BCAP29: variants seen among roughly 807,000 people sequenced by gnomAD.
BCAP29 encodes the protein B cell receptor associated protein 29.
A neutral mutation model predicts 31.8 loss-of-function variants in BCAP29; 34 were observed. The ratio of observed to expected loss-of-function variants is 1.07; its 90% CI spans 0.81 to 1.42. The LOEUF is 1.42. Ranked by LOEUF, BCAP29 falls within the 40% of genes most tolerant of loss-of-function variation. The probability of loss-of-function intolerance (pLI) is 0.00; values close to 1 mark genes in which losing one functional copy is unlikely to be tolerated. For synonymous variants in BCAP29, 104 were observed against 91.3 expected, an observed-to-expected ratio of 1.14 and a Z score of -0.79; for missense variants, 314 against 269.2, an observed-to-expected ratio of 1.17 and a Z score of -1.16.
At chr7:107,589,654 C>G (rs1003448387) in intron 3 of BCAP29, among the ~76,000 whole-genome samples, 1 of 152,132 alleles carries the variant, frequency 6.6e-6, no homozygotes, top group Non-Finnish European at 1.5e-5. Flanking sequence ...GTGCATGGCT[C>G]CAGGTGTTGG....
At chr7:107,612,561 A>G (rs115024288) in intron 6 of BCAP29, among the ~76,000 whole-genome samples, 3,508 of 151,632 alleles carry the variant, frequency 0.023, 136 homozygotes, top group African/African-American at 0.08. Context: ...GGATGTTTGC[A>G]TAGACTAAAT....
chr7:107,603,945 T>C (rs1811632315), intron 6 of BCAP29, among the ~76,000 whole-genome samples: 1 of 152,130 alleles, frequency 6.6e-6, no homozygotes, highest in African/African-American at 2.4e-5. Context: ...ATTCAGTCGT[T>C]GTAAAGTCAT....
intron 4 of BCAP29, 75 bp from the exon 5 acceptor site, chr7:107,595,792 A>G: frequency 6.8e-7 from 1 of 1,471,946 alleles, no homozygotes; most frequent in South Asian, 1.3e-5. Context: ...AATGGGGAGT[A>G]ATTTGGCAAT....
chr7:107,597,366 G>T (rs1404958839), intron 5 of BCAP29, among the ~76,000 whole-genome samples: 1 of 151,838 alleles, frequency 6.6e-6, no homozygotes, highest in Non-Finnish European at 1.5e-5. Context: ...AAGAGTTACC[G>T]CGCCCAGCCA....
chr7:107,616,010 C>T (rs1814064192), intron 7 of BCAP29: 1 of 152,398 alleles, frequency 6.6e-6, no homozygotes, highest in Non-Finnish European at 1.5e-5. Flanking sequence ...TCATTAACCA[C>T]TATGTTCTTT....
intron 3 of BCAP29, among the ~76,000 whole-genome samples, chr7:107,591,996 A>G (rs1452369162): frequency 6.6e-6 from 1 of 151,926 alleles, no homozygotes; most frequent in South Asian, 2.1e-4. Context: ...CATTTTGCGC[A>G]TGCTGGTCTC....
rs754709827 is a variant in BCAP29 at position 107,595,873 on chromosome 7, G to C, written c.351G>C (p.Leu117Phe). The change falls in exon 5 of 8, where the codon TTG becomes TTC. Residue 117 changes from leucine (L) to phenylalanine (F), a missense_variant. Coordinates refer to ENST00000005259, the MANE Select transcript of BCAP29 (RefSeq NM_018844.4). The part of the protein sequence containing the change: ...SGFSLFFWLV[L>F]RRLVTLITQL... Reference sequence around the variant, plus strand: ...TTCTGGTTTTTTTTCTTAGAGTTTTGAGACGTCTGGTTACGCTTATTACTC... The same window carrying C: ...TTCTGGTTTTTTTTCTTAGAGTTTTCAGACGTCTGGTTACGCTTATTACTC... 2.2e-5 allele frequency: 35 copies of C among 1,593,418 alleles called. No homozygotes were observed. Among genetic ancestry groups the C allele is most frequent in the Non-Finnish European group, 3.0e-5 (35 of 1,174,504 alleles).
chr7:107,613,649 T>TA (rs983233310), intron 7 of BCAP29: 36 of 1,611,416 alleles, frequency 2.2e-5, no homozygotes, highest in African/African-American at 4.0e-5. Flanking sequence ...CTTGCATACT[T>TA]ACAGCATTCC....
At chr7:107,606,389 T>G (rs1812099258) in intron 6 of BCAP29, among the ~76,000 whole-genome samples, 1 of 152,214 alleles carries the variant, frequency 6.6e-6, no homozygotes, top group Non-Finnish European at 1.5e-5. Flanking sequence ...CCCTTCAAAT[T>G]ATATTTATTT....
chr7:107,612,075 G>A (rs1813220189), intron 6 of BCAP29, among the ~76,000 whole-genome samples: 1 of 151,998 alleles, frequency 6.6e-6, no homozygotes, highest in Non-Finnish European at 1.5e-5. Context: ...CCTATATGAT[G>A]ACTTCTCAAG....
At chr7:107,599,038 TTG>T (rs1810416209) in intron 5 of BCAP29, among the ~76,000 whole-genome samples, 1 of 135,202 alleles carries the variant, frequency 7.4e-6, no homozygotes, top group East Asian at 2.0e-4. Context: ...TATTAAAAAT[TTG>T]TATATATATA....
intron 5 of BCAP29, among the ~76,000 whole-genome samples, chr7:107,598,894 TACACACACACACACACACACAC>T (rs59376183): frequency 5.0e-5 from 7 of 139,100 alleles, no homozygotes; most frequent in Non-Finnish European, 7.6e-5. Flanking sequence ...CAATACAGTA[TACACACACACACACACACACAC>T]ACACACACAC....
chr7:107,599,025 T>A (rs1253099905), intron 5 of BCAP29, among the ~76,000 whole-genome samples: 1 of 118,422 alleles, frequency 8.4e-6, no homozygotes, highest in South Asian at 2.7e-4. Flanking sequence ...ATATATAAAT[T>A]TATATTAAAA....
chr7:107,605,348 C>T (rs1811894722), intron 6 of BCAP29, among the ~76,000 whole-genome samples: 1 of 152,188 alleles, frequency 6.6e-6, no homozygotes, highest in South Asian at 2.1e-4. Flanking sequence ...AGTTTGTTCT[C>T]AGAAGAGCTT....
chr7:107,595,826 G>A lies in BCAP29; in HGVS notation c.345-41G>A, dbSNP rs144194991. 4,643 of 1,576,544 alleles carry A rather than the reference G, an allele frequency of 2.9e-3. 15 individuals are homozygous for A. Among genetic ancestry groups the A allele is most frequent in the Non-Finnish European group, 3.6e-3 (4,227 of 1,167,984 alleles). ...ATGACTGTTTTAAAATAAGTTTCTG[G>A]TGATTGGCCAGTAATACATTATTCT... On this transcript the variant is annotated intron_variant, in intron 4 of 7. Coordinates refer to ENST00000005259, the MANE Select transcript of BCAP29 (RefSeq NM_018844.4).
At chr7:107,589,197 A>G (rs892881961) in intron 3 of BCAP29, among the ~76,000 whole-genome samples, 5 of 152,226 alleles carry the variant, frequency 3.3e-5, no homozygotes, top group African/African-American at 7.2e-5. Flanking sequence ...GACCAGCTTC[A>G]TGGAAGACAG....
At chr7:107,604,489 A>T (rs1408243452) in intron 6 of BCAP29, among the ~76,000 whole-genome samples, 2 of 152,208 alleles carry the variant, frequency 1.3e-5, no homozygotes, top group Non-Finnish European at 2.9e-5. Flanking sequence ...CCAGTTTCTT[A>T]CAAATGAACC....
rs191943063 is a variant in BCAP29, at chr7:107,619,449, C to G, written c.*1086C>G. 6.6e-6 allele frequency: 1 copy of G among 152,008 alleles called. No homozygotes were observed. Among genetic ancestry groups the G allele is most frequent in the Non-Finnish European group, 1.5e-5 (1 of 67,954 alleles). The allele number at this position is 152,008 out of a possible 1,614,324, so 9.4% of individuals were successfully genotyped here. A position where few individuals can be genotyped will look rare whatever the true frequency, so the allele number is the denominator to read the frequency against. ...CCTAAATATAAAAAAAAGGAAAATACTGGAGTTTTTATTTCTCTTGTCTTT... is the reference window on the plus strand; with the variant it reads ...CCTAAATATAAAAAAAAGGAAAATAGTGGAGTTTTTATTTCTCTTGTCTTT... On this transcript the variant is annotated 3_prime_UTR_variant, in exon 8 of 8. Coordinates refer to ENST00000005259, the MANE Select transcript of BCAP29 (RefSeq NM_018844.4).
rs747913036 is a variant in BCAP29 at position 107,619,757 on chromosome 7, G to T, written c.*1394G>T. 16 of 152,152 alleles carry T rather than the reference G, an allele frequency of 1.1e-4. No homozygotes were observed. The highest frequency in any genetic ancestry group is 1.9e-4 in the Non-Finnish European group (13 of 68,020). The allele number at this position is 152,152 out of a possible 1,614,324, so 9.4% of individuals were successfully genotyped here. ...AAAGTATAGACTTAGAAATATCAAA[G>T]TAAGAGCTATCTGGATAAATATATA... On this transcript the variant is annotated 3_prime_UTR_variant, in exon 8 of 8. Transcript: ENST00000005259.
Sources: gnomAD v4.1 joint callset for allele counts (sites outside exome capture counted in the v4.1 genomes callset) on GRCh38, gnomAD v4.1.1 for gene constraint, MANE v1.5 for transcripts, NCBI Gene and HGNC (gene_info 2026-07-23, HGNC 2026-07-21) for gene names.